Variants in ANKRD55 observed in about 807,000 individuals in gnomAD.
The protein encoded by ANKRD55 is ankyrin repeat domain-containing protein 55.
ANKRD55 carries 41 observed loss-of-function variants against 60.6 expected under a neutral mutation model. The observed-to-expected ratio is 0.68, with a 90% CI of 0.53 to 0.88. The LOEUF (loss-of-function observed/expected upper bound fraction) is 0.88, where lower values mean the gene tolerates loss of function less well. Among genes scored for constraint, ANKRD55 ranks in the 40% least tolerant of loss-of-function variants. ANKRD55 has a pLI of 0.00. For synonymous variants in ANKRD55, 264 were observed against 290.3 expected, an observed-to-expected ratio of 0.91 and a Z score of 0.92; for missense variants, 732 against 767.6, an observed-to-expected ratio of 0.95 and a Z score of 0.55.
chr5:56,189,740 G>A (rs1054833157), intron 2 of ANKRD55, among the ~76,000 whole-genome samples: 10 of 152,112 alleles, frequency 6.6e-5, no homozygotes, highest in African/African-American at 2.2e-4. Flanking sequence ...GGACACTTGC[G>A]TTGTTCCCAT....
At chr5:56,205,117 T>C (rs1331616417) in intron 2 of ANKRD55, among the ~76,000 whole-genome samples, 1 of 152,112 alleles carries the variant, frequency 6.6e-6, no homozygotes, top group Non-Finnish European at 1.5e-5. Flanking sequence ...ATGGAGTGCA[T>C]TGGCATGATC....
intron 2 of ANKRD55, among the ~76,000 whole-genome samples, chr5:56,219,246 C>CTGGG (rs1231899883): frequency 1.6e-5 from 2 of 128,144 alleles, no homozygotes; most frequent in East Asian, 4.9e-4. Flanking sequence ...GCACTCCAGC[C>CTGGG]TGGGGGATAG....
chr5:56,219,055 T>C (rs4619992), intron 2 of ANKRD55, among the ~76,000 whole-genome samples: 15,087 of 151,850 alleles, frequency 0.099, 1,325 homozygotes, highest in African/African-American at 0.24. Flanking sequence ...GGCGGATCAC[T>C]TGAGGTCAGG....
At chr5:56,102,676 T>C in intron 10 of ANKRD55, 90 bp from the exon 11 acceptor site, 1 of 829,968 alleles carries the variant, frequency 1.2e-6, no homozygotes, top group South Asian at 1.5e-5. Flanking sequence ...TCAAAGTTGT[T>C]ACAGATCACT....
intron 9 of ANKRD55, among the ~76,000 whole-genome samples, chr5:56,114,679 A>T (rs1280990105): frequency 6.6e-6 from 1 of 152,242 alleles, no homozygotes; most frequent in African/African-American, 2.4e-5. Flanking sequence ...AAGGTATAGT[A>T]ATGTATTCTA....
At chr5:56,174,190 G>C (rs1312638239) in intron 4 of ANKRD55, among the ~76,000 whole-genome samples, 1 of 152,144 alleles carries the variant, frequency 6.6e-6, no homozygotes, top group Non-Finnish European at 1.5e-5. Context: ...GTCTGCAAAG[G>C]TGTCAACTTT....
In ANKRD55 at chr5:56,159,972, C is replaced by T. The variant is rs1561275147; in HGVS notation, c.423-79G>A. ...CTTGGAATCGGTATAAAAACATGACCTTAGAAAAACCGTCAGTTGAAAGAC... is the reference window on the plus strand; with the variant it reads ...CTTGGAATCGGTATAAAAACATGACTTTAGAAAAACCGTCAGTTGAAAGAC... On this transcript the variant is annotated intron_variant, in intron 5 of 11. Coordinates refer to ENST00000341048, the MANE Select transcript of ANKRD55 (RefSeq NM_024669.3). 3.0e-5 allele frequency: 38 copies of T among 1,268,948 alleles called. 1 individual carries two copies. The South Asian group carries it at 3.2e-4, about 11-fold the overall frequency. The allele number at this position is 1,268,948 out of a possible 1,614,324, so 78.6% of individuals were successfully genotyped here.
chr5:56,162,305 A>C (rs1283675728), intron 5 of ANKRD55, among the ~76,000 whole-genome samples: 1 of 152,128 alleles, frequency 6.6e-6, no homozygotes, highest in East Asian at 1.9e-4. Flanking sequence ...TTGGCTTTCA[A>C]AGCCATTCTC....
At chr5:56,232,769 C>CACA (rs56061835) in intron 2 of ANKRD55, 87 bp downstream of exon 2, 1 of 1,344,208 alleles carries the variant, frequency 7.4e-7, no homozygotes, top group African/African-American at 1.4e-5. Flanking sequence ...CACACACACA[C>CACA]TTCTCTTTCT....
intron 7 of ANKRD55, among the ~76,000 whole-genome samples, chr5:56,135,272 C>T (rs879598165): frequency 0.055 from 5,652 of 103,640 alleles, 332 homozygotes; most frequent in Middle Eastern, 0.12. Context: ...CTTTCCCTCC[C>T]TCCCTCCCTG....
At chr5:56,184,106 T>C (rs1758913352) in intron 2 of ANKRD55, among the ~76,000 whole-genome samples, 1 of 152,196 alleles carries the variant, frequency 6.6e-6, no homozygotes, top group Non-Finnish European at 1.5e-5. Flanking sequence ...TTCTGTACCC[T>C]GAGGACTGAC....
At chr5:56,105,493 A>C (rs746658848) in intron 10 of ANKRD55, among the ~76,000 whole-genome samples, 13 of 152,220 alleles carry the variant, frequency 8.5e-5, no homozygotes, top group Non-Finnish European at 8.8e-5. Context: ...TGGTTCTTAA[A>C]AGATTGTAGG....
At chr5:56,199,243 T>G (rs573462694) in intron 2 of ANKRD55, among the ~76,000 whole-genome samples, 1 of 152,280 alleles carries the variant, frequency 6.6e-6, no homozygotes, top group South Asian at 2.1e-4. Flanking sequence ...CTATTTCAAT[T>G]CCCTTACCTC....
At chr5:56,136,039 G>A (rs980469497) in intron 7 of ANKRD55, among the ~76,000 whole-genome samples, 28 of 152,056 alleles carry the variant, frequency 1.8e-4, no homozygotes, top group African/African-American at 6.8e-4. Flanking sequence ...CTATAAAAGT[G>A]TGATGAAAAA....
At chr5:56,168,000 G>A (rs1173927567) in intron 5 of ANKRD55, among the ~76,000 whole-genome samples, 1 of 152,200 alleles carries the variant, frequency 6.6e-6, no homozygotes, top group Non-Finnish European at 1.5e-5. Context: ...AATGGGTTAA[G>A]AACAGAGACA....
intron 2 of ANKRD55, among the ~76,000 whole-genome samples, chr5:56,230,265 T>G (rs2111903036): frequency 6.6e-6 from 1 of 152,266 alleles, no homozygotes; most frequent in South Asian, 2.1e-4. Context: ...CAGCTAATTT[T>G]TGTATTTTCA....
At chr5:56,153,338 A>G (rs1298406467) in intron 6 of ANKRD55, among the ~76,000 whole-genome samples, 1 of 152,212 alleles carries the variant, frequency 6.6e-6, no homozygotes, top group East Asian at 1.9e-4. Context: ...TATTAAAAAT[A>G]AAAACATACA....
At chr5:56,173,794 T>C (rs1488495536) in intron 4 of ANKRD55, among the ~76,000 whole-genome samples, 2 of 148,836 alleles carry the variant, frequency 1.3e-5, no homozygotes, top group Non-Finnish European at 3.0e-5. Context: ...TCCTCTAGCC[T>C]CTTGGCCTCC....
intron 2 of ANKRD55, among the ~76,000 whole-genome samples, chr5:56,211,405 C>T (rs1026165015): frequency 6.6e-6 from 1 of 152,164 alleles, no homozygotes; most frequent in South Asian, 2.1e-4. Flanking sequence ...TCTTTTGATT[C>T]TCACTGTATG....
Sources: allele counts gnomAD v4.1 joint callset (sites outside exome capture counted in the v4.1 genomes callset), GRCh38; gene constraint gnomAD v4.1.1; transcripts MANE v1.5; gene names NCBI Gene and HGNC (gene_info 2026-07-23, HGNC 2026-07-21).